The following CUL1 variants were observed in gnomAD, a reference collection of about 807,000 sequenced individuals.
CUL1 encodes the protein cullin 1.
Under a neutral mutation model 118.0 loss-of-function variants are expected in CUL1, and 24 were observed. The observed-to-expected ratio is 0.20, with a 90% CI of 0.15 to 0.29. CUL1 has a LOEUF of 0.29. Ranked by LOEUF, CUL1 falls within the 10% of genes least tolerant of loss-of-function variation. The probability of loss-of-function intolerance (pLI) is 1.00; values close to 1 mark genes in which losing one functional copy is unlikely to be tolerated. For missense variants in CUL1, 361 were observed against 933.8 expected, an observed-to-expected ratio of 0.39 and a Z score of 7.99; for synonymous variants, 332 against 340.4, an observed-to-expected ratio of 0.98 and a Z score of 0.27.
chr7:148,730,323 T>TA, intron 2 of CUL1, 61 bp downstream of exon 2: 2 of 1,492,236 alleles, frequency 1.3e-6, no homozygotes, highest in Non-Finnish European at 9.0e-7. Flanking sequence ...TAGTATGACT[T>TA]ATGAATTATT....
chr7:148,725,188 T>G (rs1164634233), intron 1 of CUL1, among the ~76,000 whole-genome samples: 2 of 132,922 alleles, frequency 1.5e-5, no homozygotes, highest in Non-Finnish European at 1.7e-5. Flanking sequence ...GCAGCGCACA[T>G]GCGCGCGTGT....
In CUL1 at chr7:148,751,366, G is replaced by A. The variant is rs988860699; in HGVS notation, c.141-2610G>A. ...AGTTCAAGACCAACCTGACCAATATGGTGAAACCCTGTCTCTACTAAAAAT... is the reference window on the plus strand; with the variant it reads ...AGTTCAAGACCAACCTGACCAATATAGTGAAACCCTGTCTCTACTAAAAAT... On this transcript the variant is annotated intron_variant, in intron 2 of 21. Transcript: ENST00000325222. Among the ~76,000 whole-genome samples the A allele has an allele frequency of 2.0e-5, 3 of 151,922 alleles. No individual in the cohort carries two copies. The South Asian group carries it at 6.2e-4, about 32-fold the overall frequency.
At chr7:148,734,769 C>G (rs1327390613) in intron 2 of CUL1, among the ~76,000 whole-genome samples, 4 of 152,142 alleles carry the variant, frequency 2.6e-5, no homozygotes, top group Non-Finnish European at 1.5e-5. Flanking sequence ...TCCGGCCTAG[C>G]TCGTGCAGGT....
chr7:148,749,733 A>G (rs1234177841), intron 2 of CUL1, among the ~76,000 whole-genome samples: 1 of 152,210 alleles, frequency 6.6e-6, no homozygotes, highest in Admixed American at 6.5e-5. Flanking sequence ...AAGTAAAATG[A>G]AGAGTTGCAT....
At chr7:148,728,146 A>T (rs1355255124) in intron 1 of CUL1, among the ~76,000 whole-genome samples, 1 of 152,208 alleles carries the variant, frequency 6.6e-6, no homozygotes, top group Admixed American at 6.5e-5. Context: ...AATGTGAAAG[A>T]TGAGGGCTGT....
intron 7 of CUL1, among the ~76,000 whole-genome samples, chr7:148,763,757 T>G (rs979153713): frequency 3.9e-5 from 6 of 152,284 alleles, no homozygotes; most frequent in South Asian, 4.1e-4. Context: ...GGATAAAGGG[T>G]GGCAAATCTT....
At chr7:148,707,927 C>T (rs1797937963) in intron 1 of CUL1, among the ~76,000 whole-genome samples, 1 of 152,192 alleles carries the variant, frequency 6.6e-6, no homozygotes, top group South Asian at 2.1e-4. Context: ...GTTTAGGAAG[C>T]ATCACCAGGT....
chr7:148,701,621 G>A (rs1797723475), intron 1 of CUL1, among the ~76,000 whole-genome samples: 1 of 152,160 alleles, frequency 6.6e-6, no homozygotes, highest in Non-Finnish European at 1.5e-5. Context: ...TTGTAGATGA[G>A]GCAAGCCCCA....
chr7:148,758,010 A>G (rs1799713445), intron 4 of CUL1, among the ~76,000 whole-genome samples: 2 of 152,216 alleles, frequency 1.3e-5, no homozygotes, highest in Non-Finnish European at 2.9e-5. Context: ...GACATAGCCA[A>G]ACCATATCAG....
chr7:148,752,810 G>A (rs954320400), intron 2 of CUL1, among the ~76,000 whole-genome samples: 5 of 152,074 alleles, frequency 3.3e-5, no homozygotes, highest in African/African-American at 1.2e-4. Flanking sequence ...CACCACGCCC[G>A]GCTAATTTTT....
intron 14 of CUL1, among the ~76,000 whole-genome samples, chr7:148,789,219 G>C (rs774620128): frequency 1.3e-5 from 2 of 152,186 alleles, no homozygotes; most frequent in Non-Finnish European, 1.5e-5. Context: ...AAATCAGAAT[G>C]ACAATTCTAT....
intron 2 of CUL1, among the ~76,000 whole-genome samples, chr7:148,748,881 T>TTAACTC (rs1469699404): frequency 2.6e-5 from 4 of 152,198 alleles, no homozygotes; most frequent in African/African-American, 4.8e-5. Flanking sequence ...TCTAAACTGT[T>TTAACTC]TAACTCTTAG....
At chr7:148,753,917 TTA>T in intron 2 of CUL1, 57 bp from the exon 3 acceptor site, 1 of 1,290,084 alleles carries the variant, frequency 7.8e-7, no homozygotes, top group Non-Finnish European at 1.1e-6. Flanking sequence ...GAAAATATGT[TTA>T]TGTTAATGAC....
intron 1 of CUL1, among the ~76,000 whole-genome samples, chr7:148,710,326 T>C (rs1798010270): frequency 6.6e-6 from 1 of 152,188 alleles, no homozygotes; most frequent in East Asian, 1.9e-4. Flanking sequence ...TCCCAGCACT[T>C]TGGGAGGCCA....
intron 9 of CUL1, among the ~76,000 whole-genome samples, chr7:148,768,807 A>G (rs1310355668): frequency 1.3e-4 from 20 of 151,906 alleles, no homozygotes; most frequent in East Asian, 1.9e-4. Context: ...TATTTTTTTA[A>G]TCCTTATTTT....
intron 9 of CUL1, among the ~76,000 whole-genome samples, chr7:148,782,291 T>C (rs1038096451): frequency 6.6e-6 from 1 of 152,226 alleles, no homozygotes; most frequent in African/African-American, 2.4e-5. Context: ...AAGTAAGATA[T>C]GGCCCAACTT....
At chr7:148,699,546 T>C (rs1797646421) in intron 1 of CUL1, among the ~76,000 whole-genome samples, 1 of 152,122 alleles carries the variant, frequency 6.6e-6, no homozygotes, top group Non-Finnish European at 1.5e-5. Flanking sequence ...CTGTGAGCTC[T>C]GGGCTCAAGC....
Position 148,759,292 on chromosome 7 carries a change from T to C in CUL1, c.484-12T>C, listed in dbSNP as rs201549937. ...GTAAAAGTATAGACATTTTGTACTT[T>C]TTTTTCTCCAGCTTGCATTGGTGAC... On this transcript the variant is annotated splice_polypyrimidine_tract_variant and intron_variant, in intron 4 of 21. Coordinates refer to ENST00000325222, the MANE Select transcript of CUL1 (RefSeq NM_003592.3). 3.2e-4 allele frequency: 517 copies of C among 1,613,396 alleles called. 5 individuals are homozygous for C. The Middle Eastern group carries it at 5.1e-3, about 16-fold the overall frequency.
intron 2 of CUL1, among the ~76,000 whole-genome samples, chr7:148,734,903 C>G (rs1031420605): frequency 2.6e-5 from 4 of 152,146 alleles, no homozygotes; most frequent in Non-Finnish European, 4.4e-5. Flanking sequence ...TTTAAACTTT[C>G]ATGTTGATGT....
Sources: allele counts gnomAD v4.1 joint callset (sites outside exome capture counted in the v4.1 genomes callset), GRCh38; gene constraint gnomAD v4.1.1; transcripts MANE v1.5; gene names NCBI Gene and HGNC (gene_info 2026-07-23, HGNC 2026-07-21).